Variants in ZNF385D observed in about 807,000 individuals in gnomAD.
ZNF385D encodes the protein zinc finger protein 659.
In ZNF385D, 15 loss-of-function variants were observed where a neutral mutation model predicts 35.8. The ratio of observed to expected loss-of-function variants is 0.42; its 90% confidence interval spans 0.28 to 0.64. The LOEUF (loss-of-function observed/expected upper bound fraction) is 0.64. ZNF385D is among the 30% of genes least tolerant of loss of function. The pLI, the probability that ZNF385D is intolerant of heterozygous loss-of-function variation, is 0.23. For synonymous variants in ZNF385D, 212 were observed against 186.8 expected, an observed-to-expected ratio of 1.13 and a Z score of -1.10; for missense variants, 474 against 494.6, an observed-to-expected ratio of 0.96 and a Z score of 0.39.
intron 3 of ZNF385D, among the ~76,000 whole-genome samples, chr3:21,972,626 G>C (rs1055391527): frequency 2.0e-5 from 3 of 151,504 alleles, no homozygotes; most frequent in African/African-American, 7.3e-5. Context: ...CAATATAAAA[G>C]ATGAACAAAA....
chr3:21,720,101 T>C lies in ZNF385D; in HGVS notation c.22+30794A>G, dbSNP rs550044368. 3.9e-5 allele frequency among the ~76,000 whole-genome samples: 6 copies of C among 152,302 alleles called. No individual in the cohort carries two copies. The East Asian group carries it at 1.2e-3, about 29-fold the overall frequency. The stretch of plus-strand genomic sequence containing the variant: ...ATGCCCAGTTCTCACCTCTAGAGAA[T>C]CTAATTTAAATTGGTTGGGGGTATG... On this transcript the variant is annotated intron_variant, in intron 1 of 7. Coordinates refer to ENST00000281523, the MANE Select transcript of ZNF385D (RefSeq NM_024697.3).
chr3:21,413,187 C>T lies in ZNF385D; in HGVS notation c.*8027G>A, dbSNP rs1329820670. 3 of 151,926 alleles carry T rather than the reference C, an allele frequency of 2.0e-5. No individual in the cohort carries two copies. The highest frequency in any genetic ancestry group is 6.6e-5 in the Admixed American group (1 of 15,244). 9.4% of individuals were successfully genotyped at this position (151,926 alleles called of 1,614,324 possible). On this transcript the variant is annotated 3_prime_UTR_variant, in exon 8 of 8. Transcript: ENST00000281523. The stretch of plus-strand genomic sequence containing the variant: ...ATCCTATCTCACGTTTCCAAGCCCA[C>T]CTGGGGATATGTAGAACTCTGATGA...
chr3:21,591,137 A>T (rs1256174327), intron 2 of ZNF385D, among the ~76,000 whole-genome samples: 1 of 152,162 alleles, frequency 6.6e-6, no homozygotes, highest in African/African-American at 2.4e-5. Flanking sequence ...TTCAACCTGC[A>T]GTGAGCCAAT....
chr3:22,113,927 G>C (rs1702672682), intron 3 of ZNF385D, among the ~76,000 whole-genome samples: 1 of 151,928 alleles, frequency 6.6e-6, no homozygotes. Context: ...AAAAATAATA[G>C]GGTACATTCA....
At chr3:21,926,146 T>C (rs541241210) in intron 3 of ZNF385D, among the ~76,000 whole-genome samples, 14 of 152,306 alleles carry the variant, frequency 9.2e-5, no homozygotes, top group African/African-American at 1.7e-4. Context: ...CCAATTTTTT[T>C]TTTTATACTT....
chr3:21,960,515 A>G (rs1283413433), intron 3 of ZNF385D, among the ~76,000 whole-genome samples: 1 of 152,102 alleles, frequency 6.6e-6, no homozygotes, highest in South Asian at 2.1e-4. Flanking sequence ...GCCATTAGGG[A>G]AAACAGTGTG....
chr3:22,109,090 C>T (rs1702377011), intron 3 of ZNF385D, among the ~76,000 whole-genome samples: 2 of 152,158 alleles, frequency 1.3e-5, no homozygotes, highest in South Asian at 4.1e-4. Flanking sequence ...TTGTCTCCAT[C>T]TATAATAACC....
intron 3 of ZNF385D, among the ~76,000 whole-genome samples, chr3:22,153,546 C>G (rs528766067): frequency 1.3e-5 from 2 of 148,508 alleles, no homozygotes; most frequent in Non-Finnish European, 3.0e-5. Context: ...TCACTGCAAA[C>G]TCCCCCTCCT....
At chr3:22,217,080 A>T (rs1697934265) in intron 2 of ZNF385D, among the ~76,000 whole-genome samples, 1 of 152,110 alleles carries the variant, frequency 6.6e-6, no homozygotes, top group Non-Finnish European at 1.5e-5. Flanking sequence ...TTTGGCCTTA[A>T]CCTATAGGTA....
At chr3:22,150,970 G>C (rs373758875) in intron 3 of ZNF385D, among the ~76,000 whole-genome samples, 2 of 152,102 alleles carry the variant, frequency 1.3e-5, no homozygotes, top group South Asian at 2.1e-4. Flanking sequence ...TCTCAGATTG[G>C]CCCAAGACCC....
chr3:22,348,156 T>C (rs1000473651), intron 2 of ZNF385D, among the ~76,000 whole-genome samples: 2 of 152,130 alleles, frequency 1.3e-5, no homozygotes, highest in Non-Finnish European at 2.9e-5. Context: ...AACTGGCTTT[T>C]TCTTAAGTAA....
At position 22,207,761 on chromosome 3, in the gene ZNF385D, C is replaced by G. The variant is rs764176574; in HGVS notation, c.107-38726G>C. 3.2e-4 allele frequency among the ~76,000 whole-genome samples: 49 copies of G among 151,734 alleles called. 1 individual carries two copies. The highest frequency in any genetic ancestry group is 5.3e-4 in the Admixed American group (8 of 15,152). ...CTCTACAGGAATAAAATCTAGTAATCCAATTAAAAATGGGCAAAAGATGTG... is the reference window on the plus strand; with the variant it reads ...CTCTACAGGAATAAAATCTAGTAATGCAATTAAAAATGGGCAAAAGATGTG... On this transcript the variant is annotated intron_variant, in intron 2 of 5. Coordinates refer to the ZNF385D transcript ENST00000494108.
chr3:22,213,840 C>A (rs935388703), intron 2 of ZNF385D, among the ~76,000 whole-genome samples: 3 of 151,960 alleles, frequency 2.0e-5, no homozygotes, highest in Non-Finnish European at 4.4e-5. Context: ...TCCTAAGTCC[C>A]AAATGTTTAC....
At chr3:21,550,846 C>G (rs2062543130) in intron 3 of ZNF385D, among the ~76,000 whole-genome samples, 1 of 152,116 alleles carries the variant, frequency 6.6e-6, no homozygotes, top group Non-Finnish European at 1.5e-5. Context: ...CAATGATCTA[C>G]TTTTGGAGGG....
At chr3:21,495,649 C>A (rs1705778353) in intron 4 of ZNF385D, among the ~76,000 whole-genome samples, 2 of 151,980 alleles carry the variant, frequency 1.3e-5, no homozygotes, top group South Asian at 2.1e-4. Flanking sequence ...ACTGGAGAAA[C>A]AAGAGGAAAC....
At chr3:22,037,633 A>G (rs1698418095) in intron 3 of ZNF385D, among the ~76,000 whole-genome samples, 1 of 152,088 alleles carries the variant, frequency 6.6e-6, no homozygotes, top group Non-Finnish European at 1.5e-5. Flanking sequence ...AGTAGATTGC[A>G]AAAATTTTCT....
intron 2 of ZNF385D, among the ~76,000 whole-genome samples, chr3:22,182,798 C>A (rs542978422): frequency 6.6e-6 from 1 of 151,920 alleles, no homozygotes; most frequent in African/African-American, 2.4e-5. Context: ...TAAAAATGTA[C>A]TGCAGGGTAG....
At chr3:21,453,518 C>T (rs542291079) in intron 4 of ZNF385D, among the ~76,000 whole-genome samples, 20 of 151,814 alleles carry the variant, frequency 1.3e-4, no homozygotes, top group Admixed American at 3.3e-4. Flanking sequence ...TACAAATCCA[C>T]GATATAAAGA....
chr3:21,802,156 C>A (rs371839535), intron 3 of ZNF385D, among the ~76,000 whole-genome samples: 3 of 152,048 alleles, frequency 2.0e-5, no homozygotes, highest in East Asian at 1.9e-4. Context: ...ATTAATGGCT[C>A]ATCAAATTAA....
Sources: gnomAD v4.1 joint callset for allele counts (sites outside exome capture counted in the v4.1 genomes callset) on GRCh38, gnomAD v4.1.1 for gene constraint, MANE v1.5 for transcripts, NCBI Gene and HGNC (gene_info 2026-07-23, HGNC 2026-07-21) for gene names.